Variants in ACAD11 observed in about 807,000 individuals in gnomAD.
ACAD11 encodes the protein acyl-CoA dehydrogenase family member 11, also known as acyl-Coenzyme A dehydrogenase family, member 11.
ACAD11 carries 83 observed loss-of-function variants against 102.2 expected under a neutral mutation model. That is an observed-to-expected ratio of 0.81 (90% CI 0.68 to 0.97). The LOEUF is 0.97. ACAD11 is among the 50% of genes least tolerant of loss of function. ACAD11 has a pLI of 0.00. For synonymous variants in ACAD11, 324 were observed against 319.8 expected (o/e 1.01, Z -0.14); for missense variants, 901 against 951.7 (o/e 0.95, Z 0.70).
At chr3:132,629,694 A>G (rs567784949) in intron 7 of ACAD11, among the ~76,000 whole-genome samples, 4 of 152,292 alleles carry the variant, frequency 2.6e-5, no homozygotes, top group African/African-American at 9.6e-5. Context: ...GACAGAAAAT[A>G]AATTATCATA....
chr3:132,568,801 C>CAAAAAAAAAAAAAAAAAAAAAAA (rs755568917), intron 17 of ACAD11, among the ~76,000 whole-genome samples: 3 of 68,674 alleles, frequency 4.4e-5, no homozygotes, highest in Non-Finnish European at 9.5e-5. Context: ...CATCCACAGG[C>CAAAAAAAAAAAAAAAAAAAAAAA]AAAAAAAAAA....
intron 17 of ACAD11, among the ~76,000 whole-genome samples, chr3:132,569,882 T>G (rs77066061): frequency 0.019 from 2,823 of 152,270 alleles, 90 homozygotes; most frequent in African/African-American, 0.065. Context: ...GAATGCTCTG[T>G]ATTCTGACTA....
intron 12 of ACAD11, 106 bp downstream of exon 12, chr3:132,604,992 G>T: frequency 1.2e-6 from 1 of 841,388 alleles, no homozygotes; most frequent in Non-Finnish European, 1.8e-6. Flanking sequence ...TTGGCCAATG[G>T]CAAATTTGAC....
intron 8 of ACAD11, 31 bp from the exon 9 acceptor site, chr3:132,626,848 TAC>T (rs746713963): frequency 6.3e-7 from 1 of 1,592,016 alleles, no homozygotes; most frequent in South Asian, 1.2e-5. Flanking sequence ...AAAAAAAGGT[TAC>T]AAAGATGTCC....
At chr3:132,627,609 G>A (rs1299992485) in intron 8 of ACAD11, among the ~76,000 whole-genome samples, 2 of 152,066 alleles carry the variant, frequency 1.3e-5, no homozygotes, top group Admixed American at 6.6e-5. Flanking sequence ...AACCACCATG[G>A]CACATACATA....
At chr3:132,624,382 G>A (rs139703013) in intron 9 of ACAD11, among the ~76,000 whole-genome samples, 4,320 of 151,380 alleles carry the variant, frequency 0.029, 220 homozygotes, top group African/African-American at 0.099. Flanking sequence ...TGAGGTGCGC[G>A]GATCACGAGG....
At chr3:132,579,682 T>C in intron 13 of ACAD11, 124 bp from the exon 14 acceptor site, 1 of 682,392 alleles carries the variant, frequency 1.5e-6, no homozygotes, top group South Asian at 2.0e-5. Context: ...ACATTCCTGA[T>C]TCATTAAGAT....
intron 4 of ACAD11, among the ~76,000 whole-genome samples, chr3:132,640,279 G>A (rs1445878381): frequency 4.6e-5 from 7 of 151,946 alleles, no homozygotes; most frequent in Admixed American, 3.9e-4. Context: ...TAGTAGAGAC[G>A]GAGTTTCACC....
intron 17 of ACAD11, among the ~76,000 whole-genome samples, chr3:132,568,124 G>A (rs1466671068): frequency 6.6e-6 from 1 of 152,150 alleles, no homozygotes; most frequent in Non-Finnish European, 1.5e-5. Flanking sequence ...CTACTTGGGA[G>A]GCTGAGGCTG....
chr3:132,584,534 C>A (rs1250593214), intron 13 of ACAD11, among the ~76,000 whole-genome samples: 1 of 152,014 alleles, frequency 6.6e-6, no homozygotes, highest in Non-Finnish European at 1.5e-5. Context: ...CTGTGTCTTT[C>A]AATTGGAGCA....
chr3:132,626,879 T>C (rs78240150), intron 8 of ACAD11, 62 bp from the exon 9 acceptor site: 120,783 of 1,514,648 alleles, frequency 0.08, 5,387 homozygotes, highest in Middle Eastern at 0.093. Flanking sequence ...TTATTACATA[T>C]TTCTAATATA....
At chr3:132,622,662 A>G (rs1193705016) in intron 9 of ACAD11, among the ~76,000 whole-genome samples, 1 of 152,194 alleles carries the variant, frequency 6.6e-6, no homozygotes, top group African/African-American at 2.4e-5. Flanking sequence ...CCTCATTATA[A>G]AGAACCCTTC....
rs539317705 is a variant in ACAD11, at chr3:132,639,998, TCA to T, written c.538-344_538-343del. Among the ~76,000 whole-genome samples, 215 of 146,910 alleles carry T rather than the reference TCA, an allele frequency of 1.5e-3. 2 individuals are homozygous for T. Among genetic ancestry groups the T allele is most frequent in the East Asian group, 1.4e-3 (7 of 5,056 alleles). ...CACACACGCACACACACACTCTCTC[TCA>T]CACACACACACACACACACAAATAT... On this transcript the variant is annotated intron_variant, in intron 4 of 19. Coordinates refer to ENST00000264990, the MANE Select transcript of ACAD11 (RefSeq NM_032169.5).
Position 132,657,178 on chromosome 3 carries a change from T to C in ACAD11, c.149+2425A>G, listed in dbSNP as rs541584868. Among the ~76,000 whole-genome samples the C allele has an allele frequency of 6.6e-4, 100 of 152,364 alleles. 1 individual carries two copies. The South Asian group carries it at 0.019, about 29-fold the overall frequency. On this transcript the variant is annotated intron_variant, in intron 1 of 19. Transcript: ENST00000264990. Reference sequence around the variant, plus strand: ...GAACTGTGTGAGATAAAGAGTCTAATTTCTATTTCTTCATACAGATAACAA... The same window carrying C: ...GAACTGTGTGAGATAAAGAGTCTAACTTCTATTTCTTCATACAGATAACAA...
In ACAD11 at chr3:132,607,639, C is replaced by T. The variant is rs550525808; in HGVS notation, c.1415-2434G>A. On this transcript the variant is annotated intron_variant, in intron 11 of 19. Transcript: ENST00000264990. ...ATGGGATGATGTGAAAAGACCAAACCTAGGTTTGACTGGTGTACCTGAAAA... is the reference window on the plus strand; with the variant it reads ...ATGGGATGATGTGAAAAGACCAAACTTAGGTTTGACTGGTGTACCTGAAAA... Among the ~76,000 whole-genome samples, 3 of 152,216 alleles carry T rather than the reference C, an allele frequency of 2.0e-5. No homozygotes were observed. The East Asian group carries it at 5.8e-4, about 29-fold the overall frequency.
intron 4 of ACAD11, among the ~76,000 whole-genome samples, chr3:132,641,049 C>G (rs1286013342): frequency 6.6e-6 from 1 of 152,102 alleles, no homozygotes; most frequent in Non-Finnish European, 1.5e-5. Flanking sequence ...GAGTATCAAA[C>G]AATTTACCAC....
chr3:132,596,571 G>A (rs562241726), intron 13 of ACAD11, among the ~76,000 whole-genome samples: 15 of 152,272 alleles, frequency 9.9e-5, no homozygotes, highest in African/African-American at 3.4e-4. Flanking sequence ...GACCATGAGG[G>A]CCAAATCAGC....
intron 1 of ACAD11, chr3:132,650,188 G>A (rs1940881485): frequency 6.6e-6 from 1 of 152,232 alleles, no homozygotes; most frequent in Non-Finnish European, 1.5e-5. Context: ...CAAGACTCCT[G>A]ACAAGTGCAA....
chr3:132,600,981 C>G, intron 13 of ACAD11: 1 of 1,613,106 alleles, frequency 6.2e-7, no homozygotes, highest in South Asian at 1.1e-5. Context: ...CTAGGAACAT[C>G]AATGAAAGCA....
Sources: gnomAD v4.1 joint callset for allele counts (sites outside exome capture counted in the v4.1 genomes callset) on GRCh38, gnomAD v4.1.1 for gene constraint, MANE v1.5 for transcripts, NCBI Gene and HGNC (gene_info 2026-07-23, HGNC 2026-07-21) for gene names.